ACSM5: variants seen among roughly 807,000 people sequenced by gnomAD.
ACSM5 encodes acyl-CoA synthetase medium chain family member 5, also known as acyl-coenzyme A synthetase ACSM5, mitochondrial.
In ACSM5, 56 loss-of-function variants were observed where a neutral mutation model predicts 71.6. That is an observed-to-expected ratio of 0.78 (90% CI 0.63 to 0.98). ACSM5 has a LOEUF of 0.98. Ranked by LOEUF, ACSM5 falls within the 50% of genes least tolerant of loss-of-function variation. The pLI, the probability that ACSM5 is intolerant of heterozygous loss-of-function variation, is 0.00. For missense variants in ACSM5, 723 were observed against 726.0 expected (o/e 1.00, Z 0.05); for synonymous variants, 285 against 281.5 (o/e 1.01, Z -0.12).
chr16:20,411,371 A>G, intron 1 of ACSM5, 99 bp from the exon 2 acceptor site: 1 of 891,998 alleles, frequency 1.1e-6, no homozygotes, highest in Admixed American at 2.1e-5. Context: ...TAAGGATCAC[A>G]GTCACCATCA....
chr16:20,418,587 T>C (rs773894083), intron 3 of ACSM5, among the ~76,000 whole-genome samples: 4 of 152,202 alleles, frequency 2.6e-5, no homozygotes, highest in Non-Finnish European at 4.4e-5. Flanking sequence ...ACCAGTGTTA[T>C]CAGAACTTCT....
intron 3 of ACSM5, 76 bp from the exon 4 acceptor site, chr16:20,419,152 C>T (rs1398592494): frequency 7.2e-6 from 10 of 1,383,246 alleles, no homozygotes; most frequent in Non-Finnish European, 1.0e-5. Context: ...CCAGCCCCTT[C>T]CTGCCTTCAT....
At chr16:20,430,076 A>T (rs1967064393) in intron 8 of ACSM5, among the ~76,000 whole-genome samples, 1 of 152,166 alleles carries the variant, frequency 6.6e-6, no homozygotes, top group Admixed American at 6.5e-5. Flanking sequence ...GTGAAGGTAA[A>T]AAAACTACGT....
chr16:20,413,384 A>C (rs571410974), intron 2 of ACSM5, among the ~76,000 whole-genome samples: 5 of 152,332 alleles, frequency 3.3e-5, no homozygotes, highest in Middle Eastern at 3.4e-3. Context: ...TTCACTTATG[A>C]AGAACTGTTG....
chr16:20,410,638 G>A (rs1046674604), intron 1 of ACSM5, among the ~76,000 whole-genome samples: 1 of 152,166 alleles, frequency 6.6e-6, no homozygotes, highest in African/African-American at 2.4e-5. Context: ...GAAGCCTGGG[G>A]TGGAAGGACT....
At chr16:20,428,254 A>G (rs759664670) in intron 7 of ACSM5, among the ~76,000 whole-genome samples, 16 of 152,192 alleles carry the variant, frequency 1.1e-4, no homozygotes, top group Non-Finnish European at 2.2e-4. Flanking sequence ...AAATGATTGG[A>G]AAATTGTTAG....
At chr16:20,417,706 G>A (rs1253816155) in intron 2 of ACSM5, among the ~76,000 whole-genome samples, 1 of 152,078 alleles carries the variant, frequency 6.6e-6, no homozygotes, top group Non-Finnish European at 1.5e-5. Context: ...TATGGTACCT[G>A]AATTATATTT....
Position 20,419,411 on chromosome 16 carries a change from G to A in ACSM5, c.599G>A (p.Trp200Ter). 6.2e-7 allele frequency: 1 copy of A among 1,614,176 alleles called. No individual in the cohort carries two copies. The highest frequency in any genetic ancestry group is 2.2e-5 in the East Asian group (1 of 44,880). ...GTGTCAGACAGCAGTCGGCCAGGCT[G>A]GTTGAACTTCAGGGAACTCCTCCGG... ...LLVSDSSRPG[W>*]LNFRELLREA... The change falls in exon 4 of 14, where the codon TGG (tryptophan) becomes TAG (stop). Residue 200 changes from tryptophan to a stop codon, truncating the protein, a stop_gained. Coordinates refer to ENST00000331849, the MANE Select transcript of ACSM5 (RefSeq NM_017888.3). LOFTEE classifies it high-confidence loss of function.
At chr16:20,424,925 C>G (rs1167993083) in intron 6 of ACSM5, among the ~76,000 whole-genome samples, 2 of 152,214 alleles carry the variant, frequency 1.3e-5, no homozygotes, top group Non-Finnish European at 2.9e-5. Context: ...TGTAGGCATG[C>G]AATGCGTGAA....
chr16:20,425,554 T>C (rs1270568424), intron 6 of ACSM5, among the ~76,000 whole-genome samples: 3 of 152,158 alleles, frequency 2.0e-5, no homozygotes, highest in East Asian at 1.9e-4. Context: ...CTGCACCCAA[T>C]TTGTAGTCTT....
At position 20,440,568 on chromosome 16, in the gene ACSM5, A is replaced by G; in HGVS notation, c.*141A>G. ...GCAGCTTCCAAACGGCATCCCCAGGATCACTGGGCAATGCTGGAAAGAGCA... is the reference window on the plus strand; with the variant it reads ...GCAGCTTCCAAACGGCATCCCCAGGGTCACTGGGCAATGCTGGAAAGAGCA... On this transcript the variant is annotated 3_prime_UTR_variant, in exon 14 of 14. Transcript: ENST00000331849. 1.4e-6 allele frequency: 1 copy of G among 714,562 alleles called. No homozygotes were observed. 44.3% of individuals were successfully genotyped at this position (714,562 alleles called of 1,614,324 possible). A position where few individuals can be genotyped will look rare whatever the true frequency, so the allele number is the denominator to read the frequency against.
At chr16:20,438,523 T>C (rs538644913) in intron 12 of ACSM5, among the ~76,000 whole-genome samples, 14 of 151,890 alleles carry the variant, frequency 9.2e-5, no homozygotes, top group South Asian at 2.1e-4. Context: ...TGGAGTCCCA[T>C]TGATGTGCTG....
chr16:20,429,828 A>T, intron 8 of ACSM5, 27 bp downstream of exon 8: 1 of 1,607,802 alleles, frequency 6.2e-7, no homozygotes, highest in East Asian at 2.2e-5. Context: ...CCAGGTCCCT[A>T]CCCCCCAGGT....
At chr16:20,433,145 G>A (rs1431256177) in intron 10 of ACSM5, among the ~76,000 whole-genome samples, 3 of 152,146 alleles carry the variant, frequency 2.0e-5, no homozygotes, top group Non-Finnish European at 4.4e-5. Flanking sequence ...ACAGGCATCA[G>A]CCACAGTGCC....
Position 20,427,876 on chromosome 16 carries a change from C to T in ACSM5, c.1001+9C>T, listed in dbSNP as rs1331871810. Reference sequence around the variant, plus strand: ...CAGGAGGATCTGACCAGGTACAGCCCGTCTATTTCGTGCTTTGAGGGCCTA... The same window carrying T: ...CAGGAGGATCTGACCAGGTACAGCCTGTCTATTTCGTGCTTTGAGGGCCTA... On this transcript the variant is annotated intron_variant, in intron 7 of 13. Transcript: ENST00000331849. The T allele has an allele frequency of 5.0e-6, 8 of 1,606,950 alleles. No individual in the cohort carries two copies. The East Asian group carries it at 6.7e-5, about 13-fold the overall frequency.
At chr16:20,432,704 G>T (rs1190334978) in intron 10 of ACSM5, among the ~76,000 whole-genome samples, 1 of 152,036 alleles carries the variant, frequency 6.6e-6, no homozygotes, top group Non-Finnish European at 1.5e-5. Context: ...TACTGCACTT[G>T]TACACTTTCT....
chr16:20,415,471 C>T (rs1966854517), intron 2 of ACSM5, among the ~76,000 whole-genome samples: 1 of 152,192 alleles, frequency 6.6e-6, no homozygotes, highest in Non-Finnish European at 1.5e-5. Context: ...GGGTGAATCA[C>T]TGAGACATAC....
intron 4 of ACSM5, 135 bp from the exon 5 acceptor site, chr16:20,421,123 C>G (rs1455208188): frequency 1.7e-6 from 2 of 1,192,910 alleles, no homozygotes; most frequent in African/African-American, 3.1e-5. Context: ...GCAGATTACC[C>G]AAGCCAGAGC....
In ACSM5 at chr16:20,419,263, G is replaced by C. The variant is rs765579103; in HGVS notation, c.451G>C (p.Glu151Gln). ...VMIPGVTQLT[E>Q]KDLKYRLQAS... ...GATTCCGGGTGTGACTCAGCTGACA[G>C]AGAAGGACCTCAAGTACCGGCTGCA... Residue 151 changes from glutamate to glutamine, a missense_variant, in exon 4 of 14, where the codon GAG (glutamate) becomes CAG (glutamine). By Grantham distance (29) the Glu-to-Gln change is conservative. Coordinates refer to ENST00000331849, the MANE Select transcript of ACSM5 (RefSeq NM_017888.3). 3.1e-6 allele frequency: 5 copies of C among 1,614,108 alleles called. No individual in the cohort carries two copies. Among genetic ancestry groups the C allele is most frequent in the African/African-American group, 1.3e-5 (1 of 75,026 alleles).
Sources: gnomAD v4.1 joint callset for allele counts (sites outside exome capture counted in the v4.1 genomes callset) on GRCh38, gnomAD v4.1.1 for gene constraint, MANE v1.5 for transcripts, NCBI Gene and HGNC (gene_info 2026-07-23, HGNC 2026-07-21) for gene names.